Variants in KMT2C observed in about 807,000 individuals in gnomAD.
KMT2C encodes histone-lysine N-methyltransferase 2C.
Under a neutral mutation model 507.9 loss-of-function variants are expected in KMT2C, and 88 were observed. The observed-to-expected ratio is 0.17, with a 90% CI of 0.15 to 0.21. The LOEUF (loss-of-function observed/expected upper bound fraction) is 0.21. Among genes scored for constraint, KMT2C ranks in the 10% least tolerant of loss-of-function variants. KMT2C has a pLI of 1.00. For synonymous variants in KMT2C, 2,049 were observed against 2,080.8 expected (o/e 0.98, Z 0.42); for missense variants, 4,954 against 5,957.8 (o/e 0.83, Z 5.55).
intron 6 of KMT2C, among the ~76,000 whole-genome samples, chr7:152,307,195 GAGGAAGGAAGGAAGGAAGGAAGGAAGGA>G (rs565184971): frequency 6.2e-5 from 4 of 64,958 alleles, no homozygotes; most frequent in South Asian, 1.3e-3. Context: ...AAAGAAGAGG[GAGGAAGGAAGGAAGGAAGGAAGGAAGGA>G]AGGAAGGAAG....
At chr7:152,322,017 A>T (rs1003124208) in intron 3 of KMT2C, among the ~76,000 whole-genome samples, 1 of 151,762 alleles carries the variant, frequency 6.6e-6, no homozygotes, top group Non-Finnish European at 1.5e-5. Flanking sequence ...ATTTCAAAAC[A>T]TTACAAAATG....
chr7:152,393,882 A>C (rs1189882805), intron 1 of KMT2C, among the ~76,000 whole-genome samples: 22 of 149,858 alleles, frequency 1.5e-4, no homozygotes, highest in African/African-American at 5.5e-4. Flanking sequence ...GGGCAACAAG[A>C]AGCAAAACTC....
chr7:152,255,563 A>C (rs753633363), intron 9 of KMT2C, among the ~76,000 whole-genome samples: 2 of 152,166 alleles, frequency 1.3e-5, no homozygotes, highest in Non-Finnish European at 2.9e-5. Context: ...AAACAAATAC[A>C]CAAGCACAGA....
intron 25 of KMT2C, among the ~76,000 whole-genome samples, chr7:152,204,507 G>T (rs138156222): frequency 1.3e-5 from 2 of 152,108 alleles, no homozygotes; most frequent in African/African-American, 4.8e-5. Context: ...GAGGACAGGA[G>T]AACTACCTGA....
At chr7:152,292,518 C>T (rs2096444601) in intron 6 of KMT2C, among the ~76,000 whole-genome samples, 1 of 152,200 alleles carries the variant, frequency 6.6e-6, no homozygotes, top group Non-Finnish European at 1.5e-5. Flanking sequence ...GTTTTAAACA[C>T]TCATACCTGA....
chr7:152,154,019 T>A lies in KMT2C; in HGVS notation c.12267A>T (p.Thr4089=), dbSNP rs373876453. 1.2e-6 allele frequency: 2 copies of A among 1,613,590 alleles called. No individual in the cohort carries two copies. Among genetic ancestry groups the A allele is most frequent in the African/African-American group, 2.7e-5 (2 of 74,886 alleles). The change falls in exon 48 of 59, where the codon ACA becomes ACT. Residue 4089 remains threonine (T), a synonymous_variant. Coordinates refer to ENST00000262189, the MANE Select transcript of KMT2C (RefSeq NM_170606.3). ...TCATTTAATCTTTTACCTCAGCAGCTGTAGGATGCAGAGTAATTGCTACAG... is the reference window on the plus strand; with the variant it reads ...TCATTTAATCTTTTACCTCAGCAGCAGTAGGATGCAGAGTAATTGCTACAG... The part of the protein sequence containing the change: ...LISVAITLHP[T]AAENISSVVA...
At position 152,152,924 on chromosome 7, in the gene KMT2C, C is replaced by G. The variant is rs1221667616; in HGVS notation, c.12307G>C (p.Asp4103His). 6.2e-7 allele frequency: 1 copy of G among 1,614,132 alleles called. No homozygotes were observed. Among genetic ancestry groups the G allele is most frequent in the African/African-American group, 1.3e-5 (1 of 75,030 alleles). Residue 4103 changes from aspartate to histidine, a missense_variant, in exon 49 of 59, where the codon GAC (aspartate) becomes CAC (histidine). Transcript: ENST00000262189. ...TTAGGGATTCGGACGTGAAGAAGGT[C>G]GGAAAATGCAGCCACAACACTGCTA... is the stretch of plus-strand genomic sequence containing the variant. ...NISSVVAAFS[D>H]LLHVRIPNSY...
chr7:152,219,431 AC>A (rs1410744464), intron 23 of KMT2C, among the ~76,000 whole-genome samples: 1 of 152,144 alleles, frequency 6.6e-6, no homozygotes, highest in Non-Finnish European at 1.5e-5. Context: ...CATCTGACAT[AC>A]AGTAGATATT....
chr7:152,234,258 T>C (rs2095213368), intron 16 of KMT2C, among the ~76,000 whole-genome samples: 1 of 151,948 alleles, frequency 6.6e-6, no homozygotes, highest in Non-Finnish European at 1.5e-5. Context: ...GGCAGGCACC[T>C]GTAATCCCAG....
chr7:152,266,891 T>G (rs547773221), intron 7 of KMT2C, among the ~76,000 whole-genome samples: 16 of 152,410 alleles, frequency 1.0e-4, no homozygotes, highest in African/African-American at 3.4e-4. Flanking sequence ...AATACTCATC[T>G]GAAGCTACAT....
At chr7:152,316,773 G>T (rs9690245) in intron 3 of KMT2C, among the ~76,000 whole-genome samples, 16,395 of 150,916 alleles carry the variant, frequency 0.11, 2,134 homozygotes, top group African/African-American at 0.31. Context: ...AAGTTCATGA[G>T]AAACTATGTT....
At chr7:152,362,934 G>A (rs1208785872) in intron 1 of KMT2C, among the ~76,000 whole-genome samples, 1 of 152,052 alleles carries the variant, frequency 6.6e-6, no homozygotes. Flanking sequence ...CTTTCCTTCT[G>A]GGCAATGGAC....
chr7:152,288,431 G>A (rs2096346833), intron 6 of KMT2C, among the ~76,000 whole-genome samples: 2 of 152,000 alleles, frequency 1.3e-5, no homozygotes, highest in Non-Finnish European at 2.9e-5. Flanking sequence ...CGACTCAGGA[G>A]GCTGAGGCAG....
chr7:152,397,662 A>C (rs2097545197), intron 1 of KMT2C, among the ~76,000 whole-genome samples: 1 of 152,080 alleles, frequency 6.6e-6, no homozygotes, highest in Non-Finnish European at 1.5e-5. Flanking sequence ...AGCTCCCATA[A>C]TTCCCACGTG....
At chr7:152,193,281 C>G (rs539503594) in intron 31 of KMT2C, among the ~76,000 whole-genome samples, 2 of 152,196 alleles carry the variant, frequency 1.3e-5, no homozygotes, top group East Asian at 3.9e-4. Flanking sequence ...CCTATCTACT[C>G]ATACAGACCT....
At position 152,244,857 on chromosome 7, in the gene KMT2C, GCAT is replaced by G. The variant is rs529714876; in HGVS notation, c.2532+3042_2532+3044del. On this transcript the variant is annotated intron_variant, in intron 14 of 58. Coordinates refer to ENST00000262189, the MANE Select transcript of KMT2C (RefSeq NM_170606.3). ...TTGAAACATGTCATAAAGAAAATAA[GCAT>G]CATATTTCTCACTAAATAGCACCTG... is the stretch of plus-strand genomic sequence containing the variant. 4.7e-4 allele frequency among the ~76,000 whole-genome samples: 72 copies of G among 152,236 alleles called. 1 individual carries two copies. Among genetic ancestry groups the G allele is most frequent in the African/African-American group, 1.7e-3 (71 of 41,538 alleles).
At chr7:152,390,013 A>T (rs905269405) in intron 1 of KMT2C, among the ~76,000 whole-genome samples, 1 of 152,250 alleles carries the variant, frequency 6.6e-6, no homozygotes, top group Non-Finnish European at 1.5e-5. Context: ...CTAAACAATG[A>T]GTACATGTGA....
chr7:152,141,732 ATT>A (rs2090581561), intron 55 of KMT2C, among the ~76,000 whole-genome samples: 2 of 148,350 alleles, frequency 1.3e-5, no homozygotes, highest in African/African-American at 5.0e-5. Context: ...AAAAAAAAAA[ATT>A]CATGCCAGCC....
intron 1 of KMT2C, among the ~76,000 whole-genome samples, chr7:152,409,093 T>C (rs541559851): frequency 3.6e-4 from 54 of 152,038 alleles, no homozygotes; most frequent in African/African-American, 1.2e-3. Flanking sequence ...AGTCTTGACC[T>C]CCGGAGCTCA....
Sources: gnomAD v4.1 joint callset for allele counts (sites outside exome capture counted in the v4.1 genomes callset) on GRCh38, gnomAD v4.1.1 for gene constraint, MANE v1.5 for transcripts, NCBI Gene and HGNC (gene_info 2026-07-23, HGNC 2026-07-21) for gene names.